Variants in WHRN observed in about 807,000 individuals in gnomAD.
The protein encoded by WHRN is whirlin.
A neutral mutation model predicts 68.3 loss-of-function variants in WHRN; 41 were observed. The observed-to-expected ratio is 0.60, with a 90% CI of 0.47 to 0.78. WHRN has a LOEUF of 0.78. Ranked by LOEUF, WHRN falls within the 30% of genes least tolerant of loss-of-function variation. The pLI is 0.00. For synonymous variants in WHRN, 560 were observed against 561.3 expected (o/e 1.00, Z 0.03); for missense variants, 1,243 against 1,244.7 (o/e 1.00, Z 0.02).
intron 6 of WHRN, 95 bp from the exon 7 acceptor site, chr9:114,423,618 G>T: frequency 1.6e-6 from 2 of 1,245,932 alleles, no homozygotes; most frequent in East Asian, 2.4e-5. Flanking sequence ...ATGCAAACTT[G>T]ACCCTGCCTC....
chr9:114,425,574 A>T (rs1836751307), intron 4 of WHRN: 1 of 179,584 alleles, frequency 5.6e-6, no homozygotes, highest in African/African-American at 3.0e-5. Context: ...GGTGAAAGGA[A>T]GGGAAGGGGG....
chr9:114,416,145 A>G (rs1835801759), intron 7 of WHRN, among the ~76,000 whole-genome samples: 1 of 152,184 alleles, frequency 6.6e-6, no homozygotes, highest in Non-Finnish European at 1.5e-5. Flanking sequence ...TCCTGTCCCC[A>G]GCATCCTTGG....
intron 1 of WHRN, among the ~76,000 whole-genome samples, chr9:114,492,198 A>C (rs1248278662): frequency 6.6e-6 from 1 of 152,150 alleles, no homozygotes; most frequent in Non-Finnish European, 1.5e-5. Flanking sequence ...TACAAAACAA[A>C]TTCCGTCCCA....
rs1418087519 is a variant in WHRN, at chr9:114,504,842, G to A, written c.-41C>T. The A allele has an allele frequency of 3.7e-6, 5 of 1,367,108 alleles. No individual in the cohort carries two copies. The highest frequency in any genetic ancestry group is 7.8e-5 in the Admixed American group (2 of 25,648). The allele number at this position is 1,367,108 out of a possible 1,614,324, so 84.7% of individuals were successfully genotyped here. On this transcript the variant is annotated 5_prime_UTR_variant, in exon 1 of 12. Coordinates refer to ENST00000362057, the MANE Select transcript of WHRN (RefSeq NM_015404.4). ...CGGCCGGGCTCTGAGCGCGCGGGGT[G>A]TGGGCGGTGCCGCTGTCCTCGCGGG...
Position 114,489,665 on chromosome 9 carries a change from T to C in WHRN, c.619-10894A>G, listed in dbSNP as rs543435741. Among the ~76,000 whole-genome samples the C allele has an allele frequency of 6.6e-5, 10 of 152,364 alleles. 2 individuals are homozygous for C. The highest frequency in any genetic ancestry group is 3.9e-4 in the East Asian group (2 of 5,192). The stretch of plus-strand genomic sequence containing the variant: ...TATTAGTAAATAAGCAAATGAGATA[T>C]GTAAAGTTTAAAGCGGGGGTTAAAC... On this transcript the variant is annotated intron_variant, in intron 1 of 11. Coordinates refer to ENST00000362057, the MANE Select transcript of WHRN (RefSeq NM_015404.4).
intron 3 of WHRN, among the ~76,000 whole-genome samples, chr9:114,444,598 T>C (rs566661603): frequency 6.6e-6 from 1 of 152,146 alleles, no homozygotes; most frequent in African/African-American, 2.4e-5. Context: ...ATTCCTGAAA[T>C]CTAAAGCCCC....
In WHRN at chr9:114,466,142, G is replaced by T. The variant is rs546129264; in HGVS notation, c.963+125C>A. The T allele has an allele frequency of 2.4e-5, 35 of 1,471,776 alleles. No homozygotes were observed. The African/African-American group carries it at 4.7e-4, about 20-fold the overall frequency. 91.2% of individuals were successfully genotyped at this position (1,471,776 alleles called of 1,614,324 possible). On this transcript the variant is annotated intron_variant, in intron 3 of 11. Coordinates refer to ENST00000362057, the MANE Select transcript of WHRN (RefSeq NM_015404.4). ...GTGAATTTAGAGGTACAGCAGCCAG[G>T]GAGGGCTCCCCAGCTGGGACCAGTC...
intron 3 of WHRN, among the ~76,000 whole-genome samples, chr9:114,455,625 G>C (rs1298753425): frequency 6.6e-6 from 1 of 150,608 alleles, no homozygotes; most frequent in Non-Finnish European, 1.5e-5. Flanking sequence ...GAGGTGAGAG[G>C]ATCACTTGAG....
chr9:114,420,769 G>A (rs1210301819), intron 7 of WHRN, among the ~76,000 whole-genome samples: 1 of 152,104 alleles, frequency 6.6e-6, no homozygotes, highest in Non-Finnish European at 1.5e-5. Flanking sequence ...GGCTTCACCT[G>A]CCCTCAGGGT....
At chr9:114,428,469 A>G (rs12002094) in intron 3 of WHRN, among the ~76,000 whole-genome samples, 118,881 of 152,158 alleles carry the variant, frequency 0.78, 46,752 homozygotes, top group African/African-American at 0.86. Flanking sequence ...TATCACCAAC[A>G]TCCTATAAAG....
At chr9:114,442,772 A>G (rs1036101588) in intron 3 of WHRN, among the ~76,000 whole-genome samples, 1 of 152,166 alleles carries the variant, frequency 6.6e-6, no homozygotes. Context: ...TGAGGTCCTC[A>G]CCTAAAGCAG....
At chr9:114,474,860 C>T (rs578025296) in intron 2 of WHRN, among the ~76,000 whole-genome samples, 11 of 152,224 alleles carry the variant, frequency 7.2e-5, no homozygotes, top group African/African-American at 1.4e-4. Context: ...CCCTGGACAC[C>T]GCCACGTCCC....
In WHRN at chr9:114,503,085, A is replaced by G. The variant is rs1589285292; in HGVS notation, c.618+1099T>C. 4.1e-6 allele frequency: 4 copies of G among 974,042 alleles called. No individual in the cohort carries two copies. In the South Asian group the frequency reaches 1.9e-4, roughly 46 times the overall value. 60.3% of individuals were successfully genotyped at this position (974,042 alleles called of 1,614,324 possible). ...GGAAGCCAACATCAGGTGCACAGCCAGGGAGACGGCTCAAGACTCACCTGG... is the reference window on the plus strand; with the variant it reads ...GGAAGCCAACATCAGGTGCACAGCCGGGGAGACGGCTCAAGACTCACCTGG... On this transcript the variant is annotated intron_variant, in intron 1 of 11. Coordinates refer to ENST00000362057, the MANE Select transcript of WHRN (RefSeq NM_015404.4).
chr9:114,501,551 T>TACACACACACACACACACAC (rs59195050), intron 1 of WHRN, among the ~76,000 whole-genome samples: 16 of 144,964 alleles, frequency 1.1e-4, no homozygotes, highest in Admixed American at 5.5e-4. Context: ...TAATTTTTAT[T>TACACACACACACACACACAC]ACACACACAC....
At chr9:114,440,284 C>T (rs1295398779) in intron 3 of WHRN, among the ~76,000 whole-genome samples, 1 of 152,098 alleles carries the variant, frequency 6.6e-6, no homozygotes, top group Admixed American at 6.6e-5. Flanking sequence ...GTTGCCCAGG[C>T]TCAGTGCAGC....
At chr9:114,450,834 C>T (rs975366085) in intron 3 of WHRN, among the ~76,000 whole-genome samples, 3 of 149,970 alleles carry the variant, frequency 2.0e-5, no homozygotes, top group South Asian at 2.1e-4. Context: ...TTTCCCCCCC[C>T]GCAAAAAAAT....
At chr9:114,449,493 TACC>T (rs1040652098) in intron 3 of WHRN, among the ~76,000 whole-genome samples, 1 of 152,202 alleles carries the variant, frequency 6.6e-6, no homozygotes. Flanking sequence ...TTGGCGCAAT[TACC>T]ACCCTACCAA....
chr9:114,483,801 A>G (rs1217922656), intron 1 of WHRN, among the ~76,000 whole-genome samples: 1 of 152,194 alleles, frequency 6.6e-6, no homozygotes, highest in Non-Finnish European at 1.5e-5. Flanking sequence ...ATCCTGTCCC[A>G]AGTTAAACTT....
chr9:114,431,908 G>T (rs1428242676), intron 3 of WHRN, among the ~76,000 whole-genome samples: 1 of 152,222 alleles, frequency 6.6e-6, no homozygotes, highest in Non-Finnish European at 1.5e-5. Context: ...GCTAACCGTG[G>T]AAACACTCAT....
Sources: gnomAD v4.1 joint callset for allele counts (sites outside exome capture counted in the v4.1 genomes callset) on GRCh38, gnomAD v4.1.1 for gene constraint, MANE v1.5 for transcripts, NCBI Gene and HGNC (gene_info 2026-07-23, HGNC 2026-07-21) for gene names.